The following NOL4L variants were observed in gnomAD, a reference collection of about 807,000 sequenced individuals.
NOL4L encodes the protein nucleolar protein 4 like.
In NOL4L, 7 loss-of-function variants were observed where a neutral mutation model predicts 64.5. The observed-to-expected ratio is 0.11, with a 90% CI of 0.06 to 0.20. The LOEUF (loss-of-function observed/expected upper bound fraction) is 0.20, where lower values mean the gene tolerates loss of function less well. Ranked by LOEUF, NOL4L falls within the 10% of genes least tolerant of loss-of-function variation. The pLI, the probability that NOL4L is intolerant of heterozygous loss-of-function variation, is 1.00. For missense variants in NOL4L, 680 were observed against 967.1 expected, an observed-to-expected ratio of 0.70 and a Z score of 3.94; for synonymous variants, 413 against 401.0, an observed-to-expected ratio of 1.03 and a Z score of -0.36.
chr20:32,504,397 AAAAATAC>A (rs1035290336), intron 4 of NOL4L, among the ~76,000 whole-genome samples: 2 of 151,978 alleles, frequency 1.3e-5, no homozygotes, highest in African/African-American at 4.8e-5. Context: ...TGTCTCTAAT[AAAAATAC>A]AAAAAATTAG....
At chr20:32,487,557 G>A (rs550381914) in intron 4 of NOL4L, among the ~76,000 whole-genome samples, 1 of 152,186 alleles carries the variant, frequency 6.6e-6, no homozygotes, top group South Asian at 2.1e-4. Flanking sequence ...AACTGCTGAT[G>A]AAAGGAAAGG....
At chr20:32,531,029 A>C (rs2018327827) in intron 1 of NOL4L, among the ~76,000 whole-genome samples, 1 of 152,250 alleles carries the variant, frequency 6.6e-6, no homozygotes, top group African/African-American at 2.4e-5. Flanking sequence ...TCATGGGGGT[A>C]GTTCCACTGA....
At chr20:32,553,136 C>T (rs753329212) in intron 1 of NOL4L, among the ~76,000 whole-genome samples, 11 of 152,172 alleles carry the variant, frequency 7.2e-5, no homozygotes, top group African/African-American at 2.2e-4. Context: ...AATCCTGTGG[C>T]GCGCCCTTCA....
At chr20:32,448,577 C>T (rs1391655500) in intron 10 of NOL4L, among the ~76,000 whole-genome samples, 1 of 152,168 alleles carries the variant, frequency 6.6e-6, no homozygotes, top group Non-Finnish European at 1.5e-5. Flanking sequence ...AATCCCCCCT[C>T]CTGGGAGGAG....
intron 1 of NOL4L, chr20:32,537,224 C>G (rs2018561393): frequency 3.4e-6 from 2 of 582,870 alleles, no homozygotes; most frequent in African/African-American, 4.0e-5. Context: ...CTGCTCCCCG[C>G]CCAAGGCGCA....
intron 5 of NOL4L, among the ~76,000 whole-genome samples, chr20:32,473,543 C>G (rs375764804): frequency 7.9e-5 from 12 of 152,154 alleles, no homozygotes; most frequent in African/African-American, 2.9e-4. Context: ...CTGGCCCAGA[C>G]ACCTCCAGCT....
chr20:32,581,462 T>G (rs550865961), intron 1 of NOL4L, among the ~76,000 whole-genome samples: 1 of 152,264 alleles, frequency 6.6e-6, no homozygotes, highest in African/African-American at 2.4e-5. Context: ...GAGAGGGCCC[T>G]GACCACAGCA....
chr20:32,527,981 C>T lies in NOL4L; in HGVS notation c.322-68G>A, dbSNP rs1045964867. 1.5e-5 allele frequency: 21 copies of T among 1,381,732 alleles called. No homozygotes were observed. The Admixed American group carries it at 2.4e-4, about 16-fold the overall frequency. 85.6% of individuals were successfully genotyped at this position (1,381,732 alleles called of 1,614,324 possible). Reference sequence around the variant, plus strand: ...GCGGGGTGAGAACTGGGCCCTGAGGCCGGGGCAAGGGGTCAGGACGGGCAA... The same window carrying T: ...GCGGGGTGAGAACTGGGCCCTGAGGTCGGGGCAAGGGGTCAGGACGGGCAA... On this transcript the variant is annotated intron_variant, in intron 1 of 10. Transcript: ENST00000621426.
In NOL4L at chr20:32,453,245, G is replaced by A; in HGVS notation, c.1497+59C>T. On this transcript the variant is annotated intron_variant, in intron 8 of 10. Transcript: ENST00000621426. This position sits in a 1 kb window ranked among gnomAD's most constrained non-coding sequence, Gnocchi z 5.6. ...GAAGGGGCCCGGGCATCCTGGGAGT[G>A]TGGCAGGAGGTCAGTAGTGGCACCG... is the stretch of plus-strand genomic sequence containing the variant. 1 of 1,569,730 alleles carries A rather than the reference G, an allele frequency of 6.4e-7. No individual in the cohort carries two copies. Among genetic ancestry groups the A allele is most frequent in the African/African-American group, 1.3e-5 (1 of 74,346 alleles).
chr20:32,460,146 A>G lies in NOL4L; in HGVS notation c.842-3751T>C, dbSNP rs1166986344. ...GTTGGGGGATGAACAAGCTGTGGAAATAACAGTGCTTCTGGAGTGTACACT... is the reference window on the plus strand; with the variant it reads ...GTTGGGGGATGAACAAGCTGTGGAAGTAACAGTGCTTCTGGAGTGTACACT... On this transcript the variant is annotated intron_variant, in intron 5 of 10. Coordinates refer to ENST00000621426, the MANE Select transcript of NOL4L (RefSeq NM_001256798.2). This position sits in a 1 kb window ranked among gnomAD's most constrained non-coding sequence, Gnocchi z 5.7. Among the ~76,000 whole-genome samples, 1 of 152,238 alleles carries G rather than the reference A, an allele frequency of 6.6e-6. No homozygotes were observed. Among genetic ancestry groups the G allele is most frequent in the Admixed American group, 6.5e-5 (1 of 15,284 alleles).
At chr20:32,488,827 T>TCTTTCTTTCTTTCTTTC (rs1315685985) in intron 4 of NOL4L, among the ~76,000 whole-genome samples, 1 of 33,136 alleles carries the variant, frequency 3.0e-5, no homozygotes. Flanking sequence ...CTTTCTTTCT[T>TCTTTCTTTCTTTCTTTC]TTTCTTTCTT....
At chr20:32,508,955 C>T (rs1026805316) in intron 4 of NOL4L, among the ~76,000 whole-genome samples, 2 of 152,176 alleles carry the variant, frequency 1.3e-5, no homozygotes, top group African/African-American at 4.8e-5. Context: ...AGGCTTGGTC[C>T]TCCCTTGAGC....
chr20:32,452,144 C>T, intron 10 of NOL4L, 92 bp downstream of exon 10: 1 of 1,198,590 alleles, frequency 8.3e-7, no homozygotes, highest in Non-Finnish European at 1.1e-6. Flanking sequence ...CTGGCCTCTG[C>T]TTCCCTCTCC....
intron 1 of NOL4L, among the ~76,000 whole-genome samples, chr20:32,541,584 C>T (rs1259713332): frequency 5.9e-5 from 9 of 152,196 alleles, no homozygotes; most frequent in Non-Finnish European, 1.0e-4. Flanking sequence ...GACCAGCTGG[C>T]GGTGCAGGGT....
Position 32,443,701 on chromosome 20 carries a change from G to T in NOL4L, c.*3895C>A, listed in dbSNP as rs776558841. On this transcript the variant is annotated 3_prime_UTR_variant, in exon 11 of 11. Transcript: ENST00000621426. The stretch of plus-strand genomic sequence containing the variant: ...TGCCAGAGGACTAAAGACCTCTTGG[G>T]TTGTCCCTAAATCCTGGATGGCTTG... The T allele has an allele frequency of 1.3e-5, 2 of 152,200 alleles. No individual in the cohort carries two copies. The highest frequency in any genetic ancestry group is 2.4e-5 in the African/African-American group (1 of 41,448). 9.4% of individuals were successfully genotyped at this position (152,200 alleles called of 1,614,324 possible).
rs1008273581 is a variant in NOL4L at position 32,456,531 on chromosome 20, C to T, written c.842-136G>A. 6 of 857,410 alleles carry T rather than the reference C, an allele frequency of 7.0e-6. No individual in the cohort carries two copies. In the African/African-American group the frequency reaches 7.1e-5, roughly 10 times the overall value. The allele number at this position is 857,410 out of a possible 1,614,324, so 53.1% of individuals were successfully genotyped here. A position where few individuals can be genotyped will look rare whatever the true frequency, so the allele number is the denominator to read the frequency against. ...GAGTGCTGCTACCCCACCTCAGAGG[C>T]AATTTGCCCCAGCCCACAGCCTCAG... is the stretch of plus-strand genomic sequence containing the variant. On this transcript the variant is annotated intron_variant, in intron 5 of 10. Coordinates refer to ENST00000621426, the MANE Select transcript of NOL4L (RefSeq NM_001256798.2).
intron 4 of NOL4L, among the ~76,000 whole-genome samples, chr20:32,494,274 A>AAC (rs1555797906): frequency 8.6e-5 from 11 of 128,508 alleles, no homozygotes; most frequent in African/African-American, 3.3e-4. Flanking sequence ...AAAAAAAAAA[A>AAC]AAAAAAAACA....
chr20:32,557,398 A>G (rs990333019), intron 1 of NOL4L, among the ~76,000 whole-genome samples: 2 of 152,234 alleles, frequency 1.3e-5, no homozygotes, highest in Non-Finnish European at 2.9e-5. Flanking sequence ...TATACAGAAG[A>G]GACGCTCTGA....
chr20:32,496,677 A>C (rs2016701041), intron 4 of NOL4L, among the ~76,000 whole-genome samples: 2 of 151,894 alleles, frequency 1.3e-5, no homozygotes, highest in Admixed American at 1.3e-4. Context: ...CAGCCTCCCG[A>C]GTAGCTGGAA....
Sources: allele counts gnomAD v4.1 joint callset (sites outside exome capture counted in the v4.1 genomes callset), GRCh38; gene constraint gnomAD v4.1.1; non-coding constraint Gnocchi (gnomAD v3.1); transcripts MANE v1.5; gene names NCBI Gene and HGNC (gene_info 2026-07-23, HGNC 2026-07-21).